The following DGKI variants were observed in gnomAD, a reference collection of about 807,000 sequenced individuals.
DGKI encodes the protein DAG kinase iota.
In DGKI, 55 loss-of-function variants were observed where a neutral mutation model predicts 147.5. The observed-to-expected ratio is 0.37, with a 90% CI of 0.30 to 0.47. The LOEUF (loss-of-function observed/expected upper bound fraction) is 0.47. Ranked by LOEUF, DGKI falls within the 20% of genes least tolerant of loss-of-function variation. The probability of loss-of-function intolerance (pLI) is 1.00; values close to 1 mark genes in which losing one functional copy is unlikely to be tolerated. For synonymous variants in DGKI, 469 were observed against 477.1 expected (o/e 0.98, Z 0.22); for missense variants, 1,007 against 1,323.8 (o/e 0.76, Z 3.71).
intron 20 of DGKI, among the ~76,000 whole-genome samples, chr7:137,531,064 T>TTG (rs1283368393): frequency 2.6e-5 from 4 of 152,194 alleles, no homozygotes; most frequent in African/African-American, 9.6e-5. Context: ...CATACACTCT[T>TTG]TGTACATTCT....
intron 28 of DGKI, among the ~76,000 whole-genome samples, chr7:137,418,009 G>C (rs1020181743): frequency 9.2e-5 from 14 of 152,202 alleles, no homozygotes; most frequent in Non-Finnish European, 2.1e-4. Context: ...AACAGACTAA[G>C]ATCCCCACCT....
At chr7:137,412,871 A>G (rs1812214034) in intron 28 of DGKI, among the ~76,000 whole-genome samples, 1 of 152,214 alleles carries the variant, frequency 6.6e-6, no homozygotes, top group African/African-American at 2.4e-5. Context: ...TGGAAAAAAA[A>G]GCCTAGAGGT....
intron 21 of DGKI, among the ~76,000 whole-genome samples, chr7:137,491,998 C>T (rs575863614): frequency 1.5e-4 from 23 of 152,286 alleles, no homozygotes; most frequent in African/African-American, 5.5e-4. Context: ...GACAAATCAT[C>T]CCATGAAGCA....
chr7:137,702,384 C>T (rs4732262), intron 1 of DGKI, among the ~76,000 whole-genome samples: 62 of 152,266 alleles, frequency 4.1e-4, no homozygotes, highest in Non-Finnish European at 6.6e-4. Flanking sequence ...CACCTCCTTC[C>T]TATTTCTGTG....
intron 2 of DGKI, among the ~76,000 whole-genome samples, chr7:137,681,103 C>A (rs1823220546): frequency 6.6e-6 from 1 of 152,118 alleles, no homozygotes; most frequent in Non-Finnish European, 1.5e-5. Context: ...ACAGGGAGAC[C>A]CTGGTGGTAG....
At chr7:137,775,937 C>T (rs965054182) in intron 1 of DGKI, among the ~76,000 whole-genome samples, 17 of 151,792 alleles carry the variant, frequency 1.1e-4, no homozygotes, top group Non-Finnish European at 2.1e-4. Flanking sequence ...CGGCTCACTG[C>T]AACCTCCGCC....
chr7:137,481,700 A>G (rs1162149310), intron 23 of DGKI, among the ~76,000 whole-genome samples: 1 of 152,100 alleles, frequency 6.6e-6, no homozygotes, highest in Non-Finnish European at 1.5e-5. Context: ...AAAGCAATGA[A>G]ATGCTTAAGT....
chr7:137,845,616 G>A (rs1798688180), intron 1 of DGKI, among the ~76,000 whole-genome samples: 1 of 152,106 alleles, frequency 6.6e-6, no homozygotes, highest in South Asian at 2.1e-4. Context: ...GGAAGGGAGG[G>A]GTGAGAGAGA....
At chr7:137,712,413 C>T (rs376250603) in intron 1 of DGKI, among the ~76,000 whole-genome samples, 45 of 152,158 alleles carry the variant, frequency 3.0e-4, no homozygotes, top group African/African-American at 1.1e-3. Context: ...GTGTTCTAAT[C>T]AAAATTGAAA....
At chr7:137,404,867 C>T (rs564707107) in intron 30 of DGKI, among the ~76,000 whole-genome samples, 9 of 151,994 alleles carry the variant, frequency 5.9e-5, no homozygotes, top group African/African-American at 1.9e-4. Flanking sequence ...TGATGAGAAA[C>T]TGATTTGTAT....
chr7:137,440,127 C>T (rs1005227397), intron 28 of DGKI, among the ~76,000 whole-genome samples: 2 of 152,096 alleles, frequency 1.3e-5, no homozygotes, highest in African/African-American at 4.8e-5. Flanking sequence ...GCTCCAGGAG[C>T]AATTTAAATG....
chr7:137,423,527 G>T (rs1423150123), intron 28 of DGKI, among the ~76,000 whole-genome samples: 3 of 152,158 alleles, frequency 2.0e-5, no homozygotes, highest in Admixed American at 6.5e-5. Context: ...TGATGTTTAA[G>T]GTCAGAAGCC....
intron 23 of DGKI, among the ~76,000 whole-genome samples, chr7:137,482,548 A>C (rs1038314542): frequency 6.6e-6 from 1 of 151,526 alleles, no homozygotes; most frequent in African/African-American, 2.4e-5. Context: ...CTACTCACCA[A>C]CCCCCTTGGA....
chr7:137,732,322 G>A (rs1191208767), intron 1 of DGKI, among the ~76,000 whole-genome samples: 1 of 152,032 alleles, frequency 6.6e-6, no homozygotes, highest in East Asian at 1.9e-4. Flanking sequence ...ATACTGGGGT[G>A]TTTTCAACTT....
chr7:137,517,428 A>AT (rs1816818691), intron 21 of DGKI, among the ~76,000 whole-genome samples: 1 of 151,880 alleles, frequency 6.6e-6, no homozygotes, highest in Non-Finnish European at 1.5e-5. Context: ...AGAAAGAAAG[A>AT]TAAAAAAAGA....
At position 137,382,919 on chromosome 7, in the gene DGKI, A is replaced by T. The variant is rs1811092689; in HGVS notation, c.*8301T>A. The T allele has an allele frequency of 6.6e-6, 1 of 152,048 alleles. No homozygotes were observed. Among genetic ancestry groups the T allele is most frequent in the Non-Finnish European group, 1.5e-5 (1 of 67,974 alleles). 9.4% of individuals were successfully genotyped at this position (152,048 alleles called of 1,614,324 possible). ...TTACAGAATTAAGGGATGATGGGCA[A>T]TTAAAACTGTAATCCACCTAGACAG... On this transcript the variant is annotated 3_prime_UTR_variant, in exon 33 of 33. Transcript: ENST00000614521.
intron 21 of DGKI, among the ~76,000 whole-genome samples, chr7:137,492,647 T>A (rs1815810427): frequency 6.6e-6 from 1 of 152,076 alleles, no homozygotes; most frequent in Admixed American, 6.5e-5. Context: ...CTCCAGCCAG[T>A]GTGGAGCCCA....
chr7:137,807,176 T>C (rs890652960), intron 1 of DGKI, among the ~76,000 whole-genome samples: 1 of 152,260 alleles, frequency 6.6e-6, no homozygotes, highest in Non-Finnish European at 1.5e-5. Context: ...TATGCAGTAC[T>C]GAAAGAACGC....
intron 28 of DGKI, among the ~76,000 whole-genome samples, chr7:137,418,735 G>C (rs1036662639): frequency 1.3e-5 from 2 of 151,720 alleles, no homozygotes; most frequent in African/African-American, 4.8e-5. Flanking sequence ...CAAAATTATA[G>C]AAGAAAAAAA....
Sources: gnomAD v4.1 joint callset for allele counts (sites outside exome capture counted in the v4.1 genomes callset) on GRCh38, gnomAD v4.1.1 for gene constraint, MANE v1.5 for transcripts, NCBI Gene and HGNC (gene_info 2026-07-23, HGNC 2026-07-21) for gene names.